RGS7: variants seen among roughly 807,000 people sequenced by gnomAD.
The protein encoded by RGS7 is regulator of G-protein signaling 7.
RGS7 carries 27 observed loss-of-function variants against 81.1 expected under a neutral mutation model. That is an observed-to-expected ratio of 0.33 (90% CI 0.25 to 0.46). The LOEUF is 0.46. Among genes scored for constraint, RGS7 ranks in the 20% least tolerant of loss-of-function variants. RGS7 has a pLI of 1.00. For synonymous variants in RGS7, 208 were observed against 207.7 expected (o/e 1.00, Z -0.01); for missense variants, 396 against 607.4 (o/e 0.65, Z 3.66).
chr1:241,074,048 G>A (rs572517724), intron 3 of RGS7, among the ~76,000 whole-genome samples: 1 of 152,080 alleles, frequency 6.6e-6, no homozygotes, highest in East Asian at 1.9e-4. Flanking sequence ...TTACAGGCAT[G>A]TGCCACCAGG....
intron 2 of RGS7, among the ~76,000 whole-genome samples, chr1:241,353,657 A>G (rs1370214591): frequency 6.6e-6 from 1 of 152,192 alleles, no homozygotes; most frequent in South Asian, 2.1e-4. Context: ...GTCACTAATA[A>G]TAAGCAAAAA....
intron 2 of RGS7, among the ~76,000 whole-genome samples, chr1:241,205,463 T>A (rs1400886657): frequency 6.6e-6 from 1 of 151,812 alleles, no homozygotes; most frequent in Non-Finnish European, 1.5e-5. Context: ...TTGTAGGATA[T>A]ACTTTTTTTT....
chr1:241,120,294 C>G (rs2066161136), intron 2 of RGS7, among the ~76,000 whole-genome samples: 1 of 152,160 alleles, frequency 6.6e-6, no homozygotes. Context: ...ACCTTGCTCT[C>G]TACATACCAC....
At chr1:241,124,532 T>C (rs1415029597) in intron 2 of RGS7, among the ~76,000 whole-genome samples, 2 of 152,194 alleles carry the variant, frequency 1.3e-5, no homozygotes, top group South Asian at 2.1e-4. Context: ...AAGGCTGGGA[T>C]AGAGGGTTAG....
intron 2 of RGS7, among the ~76,000 whole-genome samples, chr1:241,192,618 A>G (rs2072771007): frequency 6.6e-6 from 1 of 152,168 alleles, no homozygotes; most frequent in Non-Finnish European, 1.5e-5. Context: ...AAACATGAAT[A>G]ATTTATCCAT....
At chr1:241,201,298 C>A (rs964140822) in intron 2 of RGS7, among the ~76,000 whole-genome samples, 12 of 152,166 alleles carry the variant, frequency 7.9e-5, no homozygotes, top group Admixed American at 2.0e-4. Context: ...CTCTAATGGA[C>A]TTCTTTTCCT....
At chr1:241,268,050 T>A (rs1252260859) in intron 2 of RGS7, among the ~76,000 whole-genome samples, 1 of 152,206 alleles carries the variant, frequency 6.6e-6, no homozygotes, top group Non-Finnish European at 1.5e-5. Flanking sequence ...ACCGGACCGT[T>A]GAGCACACTA....
chr1:240,855,093 C>A lies in RGS7; in HGVS notation c.609+13494G>T, dbSNP rs941847148. Among the ~76,000 whole-genome samples the A allele has an allele frequency of 3.3e-5, 5 of 152,126 alleles. No individual in the cohort carries two copies. The East Asian group carries it at 7.8e-4, about 24-fold the overall frequency. Reference sequence around the variant, plus strand: ...GATATCAAATATCCCAGAATAGTTACAATCAATATTCAGTATATTGTCTCT... The same window carrying A: ...GATATCAAATATCCCAGAATAGTTAAAATCAATATTCAGTATATTGTCTCT... On this transcript the variant is annotated intron_variant, in intron 9 of 18. Coordinates refer to ENST00000440928, the MANE Select transcript of RGS7 (RefSeq NM_001364886.1).
chr1:240,999,896 C>T (rs1183633164), intron 3 of RGS7, among the ~76,000 whole-genome samples: 1 of 152,196 alleles, frequency 6.6e-6, no homozygotes, highest in Non-Finnish European at 1.5e-5. Flanking sequence ...AGCCACTGAG[C>T]CTGGCCTGAT....
chr1:241,045,988 G>A (rs981446288), intron 3 of RGS7, among the ~76,000 whole-genome samples: 1 of 149,768 alleles, frequency 6.7e-6, no homozygotes, highest in Non-Finnish European at 1.5e-5. Flanking sequence ...TCTATGGAAA[G>A]TACCTTTGGC....
At chr1:241,351,066 T>C (rs909905882) in intron 2 of RGS7, among the ~76,000 whole-genome samples, 4 of 152,160 alleles carry the variant, frequency 2.6e-5, no homozygotes, top group African/African-American at 4.8e-5. Flanking sequence ...GGTTGGGTGA[T>C]AGCTCTCACT....
At chr1:241,036,587 A>T (rs1178549233) in intron 3 of RGS7, among the ~76,000 whole-genome samples, 1 of 152,218 alleles carries the variant, frequency 6.6e-6, no homozygotes, top group Non-Finnish European at 1.5e-5. Flanking sequence ...ACCTTTGTCC[A>T]GTGCTGTTTG....
intron 14 of RGS7, among the ~76,000 whole-genome samples, chr1:240,807,930 GAGGCTGAGGCACGAGAATC>G (rs754948070): frequency 6.6e-6 from 1 of 151,632 alleles, no homozygotes; most frequent in Non-Finnish European, 1.5e-5. Flanking sequence ...AGCTACTCGG[GAGGCTGAGGCACGAGAATC>G]GCTTGAACCC....
chr1:241,092,769 C>T (rs1350107468), intron 3 of RGS7, among the ~76,000 whole-genome samples: 2 of 151,918 alleles, frequency 1.3e-5, no homozygotes, highest in Non-Finnish European at 2.9e-5. Context: ...GATGCCTCTT[C>T]AGGATTTATT....
intron 2 of RGS7, among the ~76,000 whole-genome samples, chr1:241,293,408 C>T (rs959657618): frequency 2.0e-5 from 3 of 152,014 alleles, no homozygotes; most frequent in Admixed American, 6.6e-5. Flanking sequence ...AAAACAGCTT[C>T]GGGAAGTTCC....
chr1:241,352,054 C>T (rs2083281314), intron 2 of RGS7, among the ~76,000 whole-genome samples: 1 of 152,162 alleles, frequency 6.6e-6, no homozygotes, highest in Non-Finnish European at 1.5e-5. Context: ...AGCATGCTGG[C>T]CAGACACCAA....
At chr1:240,909,721 TG>T (rs1159260982) in intron 6 of RGS7, among the ~76,000 whole-genome samples, 2 of 152,236 alleles carry the variant, frequency 1.3e-5, no homozygotes, top group East Asian at 3.8e-4. Context: ...ATGACACAAA[TG>T]CATTTAAGAA....
At chr1:240,777,282 CA>C (rs71172641) in intron 18 of RGS7, among the ~76,000 whole-genome samples, 45 of 143,196 alleles carry the variant, frequency 3.1e-4, no homozygotes, top group Admixed American at 1.3e-3. Flanking sequence ...GACTCTGTCT[CA>C]AAAAAAAAAA....
intron 10 of RGS7, among the ~76,000 whole-genome samples, chr1:240,816,893 T>C (rs1027568298): frequency 9.2e-5 from 14 of 152,196 alleles, no homozygotes; most frequent in African/African-American, 3.1e-4. Context: ...TGATTTGATT[T>C]CTGATGGTGC....
Sources: gnomAD v4.1 joint callset for allele counts (sites outside exome capture counted in the v4.1 genomes callset) on GRCh38, gnomAD v4.1.1 for gene constraint, MANE v1.5 for transcripts, NCBI Gene and HGNC (gene_info 2026-07-23, HGNC 2026-07-21) for gene names.